The following PINX1 variants were observed in gnomAD, a reference collection of about 807,000 sequenced individuals.
PINX1 encodes the protein PIN2/TERF1-interacting telomerase inhibitor 1.
PINX1 carries 34 observed loss-of-function variants against 25.4 expected under a neutral mutation model. The observed-to-expected ratio is 1.34, with a 90% CI of 1.02 to 1.78. PINX1 has a LOEUF of 1.78. PINX1 is among the 40% of genes most tolerant of loss of function. PINX1 has a pLI of 0.00. For missense variants in PINX1, 592 were observed against 404.9 expected (o/e 1.46, Z -3.97); for synonymous variants, 197 against 147.7 (o/e 1.33, Z -2.42).
intron 6 of PINX1, among the ~76,000 whole-genome samples, chr8:10,769,606 C>A (rs1257005196): frequency 6.6e-6 from 1 of 152,198 alleles, no homozygotes; most frequent in Non-Finnish European, 1.5e-5. Flanking sequence ...CTATCACCAC[C>A]GTGCCAGGCA....
chr8:10,784,277 C>G (rs1028839652), intron 6 of PINX1, among the ~76,000 whole-genome samples: 1 of 152,178 alleles, frequency 6.6e-6, no homozygotes, highest in Non-Finnish European at 1.5e-5. Flanking sequence ...CTTTAGAAAG[C>G]ACATCACACA....
intron 6 of PINX1, among the ~76,000 whole-genome samples, chr8:10,805,918 GGGC>G (rs1802436290): frequency 9.0e-5 from 6 of 66,674 alleles, no homozygotes; most frequent in African/African-American, 5.5e-4. Context: ...GCACAGGAAG[GGGC>G]CACACTAGTG....
At chr8:10,831,123 T>C (rs191882304) in intron 4 of PINX1, among the ~76,000 whole-genome samples, 249 of 152,324 alleles carry the variant, frequency 1.6e-3, no homozygotes, top group Non-Finnish European at 2.9e-3. Flanking sequence ...TACGAAAGAA[T>C]GAGAGTTTTT....
At chr8:10,826,006 C>A (rs1034668421) in intron 5 of PINX1, 146 bp downstream of exon 5, 42 of 541,054 alleles carry the variant, frequency 7.8e-5, no homozygotes, top group Non-Finnish European at 1.2e-4. Context: ...ACAGTCAATG[C>A]GAAGACTCCA....
intron 6 of PINX1, among the ~76,000 whole-genome samples, chr8:10,774,254 A>C (rs1469085029): frequency 1.3e-5 from 2 of 152,150 alleles, no homozygotes; most frequent in African/African-American, 2.4e-5. Context: ...ATTAAATGTA[A>C]AATCTTCTAA....
chr8:10,779,792 G>T (rs867328983), intron 6 of PINX1, among the ~76,000 whole-genome samples: 23 of 152,140 alleles, frequency 1.5e-4, no homozygotes, highest in Admixed American at 3.9e-4. Context: ...AGAAATTATA[G>T]TTTTATACAT....
chr8:10,813,685 G>A (rs566212511), intron 6 of PINX1, among the ~76,000 whole-genome samples: 10 of 152,244 alleles, frequency 6.6e-5, no homozygotes, highest in Non-Finnish European at 1.0e-4. Context: ...CTCTCATGAG[G>A]GTTCTAATTC....
At chr8:10,779,907 G>C (rs554256920) in intron 6 of PINX1, among the ~76,000 whole-genome samples, 2 of 152,312 alleles carry the variant, frequency 1.3e-5, no homozygotes, top group African/African-American at 4.8e-5. Context: ...GAATCAGGGA[G>C]AAAGGGACGA....
intron 3 of PINX1, 100 bp downstream of exon 3, chr8:10,832,792 T>G: frequency 1.5e-6 from 1 of 662,730 alleles, no homozygotes; most frequent in South Asian, 1.9e-5. Flanking sequence ...AAAGAAGTGC[T>G]GCACCAATGG....
At chr8:10,835,569 C>T (rs1013447486) in intron 1 of PINX1, among the ~76,000 whole-genome samples, 2 of 152,196 alleles carry the variant, frequency 1.3e-5, no homozygotes, top group Non-Finnish European at 2.9e-5. Context: ...TCTAGAATAA[C>T]TTATCTGTTT....
rs1801062986 is a variant in PINX1 at position 10,766,765 on chromosome 8, A to C, written c.472-849T>G. Among the ~76,000 whole-genome samples the C allele has an allele frequency of 2.6e-5, 4 of 152,244 alleles. No individual in the cohort carries two copies. In the South Asian group the frequency reaches 8.3e-4, roughly 32 times the overall value. On this transcript the variant is annotated intron_variant, in intron 6 of 6. Coordinates refer to ENST00000314787, the MANE Select transcript of PINX1 (RefSeq NM_017884.6). Reference sequence around the variant, plus strand: ...TTGTCAGGTAATATCTGCTATAAGAAAAAATGTGAAAAATGTATATATCTA... The same window carrying C: ...TTGTCAGGTAATATCTGCTATAAGACAAAATGTGAAAAATGTATATATCTA...
intron 6 of PINX1, among the ~76,000 whole-genome samples, chr8:10,779,297 T>G (rs974601613): frequency 6.6e-6 from 1 of 152,198 alleles, no homozygotes; most frequent in Non-Finnish European, 1.5e-5. Context: ...AGAATAAATG[T>G]ATAAAATAAC....
At chr8:10,803,372 A>G (rs1160275754) in intron 6 of PINX1, among the ~76,000 whole-genome samples, 2 of 152,186 alleles carry the variant, frequency 1.3e-5, no homozygotes, top group African/African-American at 4.8e-5. Context: ...CAGTTTCCTC[A>G]CCAGCTCATG....
intron 6 of PINX1, among the ~76,000 whole-genome samples, chr8:10,771,928 C>T (rs1304309957): frequency 6.6e-6 from 1 of 152,192 alleles, no homozygotes; most frequent in East Asian, 1.9e-4. Flanking sequence ...TGGCCCTTAG[C>T]AATAAATAGA....
intron 4 of PINX1, among the ~76,000 whole-genome samples, chr8:10,826,650 A>G (rs1307885100): frequency 2.6e-5 from 4 of 152,190 alleles, no homozygotes; most frequent in Non-Finnish European, 5.9e-5. Flanking sequence ...GGCCATCCTT[A>G]CAGTGGAATA....
intron 6 of PINX1, among the ~76,000 whole-genome samples, chr8:10,803,356 T>C (rs561609295): frequency 3.2e-4 from 49 of 152,352 alleles, no homozygotes; most frequent in African/African-American, 1.2e-3. Flanking sequence ...TAATGCGATC[T>C]ATCATCAGTT....
chr8:10,806,216 G>A (rs1248842919), intron 6 of PINX1, among the ~76,000 whole-genome samples: 1 of 152,192 alleles, frequency 6.6e-6, no homozygotes, highest in African/African-American at 2.4e-5. Flanking sequence ...CTAGTGCTGA[G>A]GGAGGAGGCA....
rs1254985812 is a variant in PINX1 at position 10,834,792 on chromosome 8, A to G, written c.20-17T>C. On this transcript the variant is annotated splice_polypyrimidine_tract_variant and intron_variant, in intron 1 of 6. Coordinates refer to ENST00000314787, the MANE Select transcript of PINX1 (RefSeq NM_017884.6). Reference sequence around the variant, plus strand: ...TCCGCCGACCTGTAAATGAAAAAGCATTATCATCAGCAATGGAGATGATAC... The same window carrying G: ...TCCGCCGACCTGTAAATGAAAAAGCGTTATCATCAGCAATGGAGATGATAC... The G allele has an allele frequency of 1.9e-6, 3 of 1,582,618 alleles. No homozygotes were observed. The highest frequency in any genetic ancestry group is 2.6e-6 in the Non-Finnish European group (3 of 1,153,870).
chr8:10,829,128 A>C (rs1189958842), intron 4 of PINX1, among the ~76,000 whole-genome samples: 1 of 152,086 alleles, frequency 6.6e-6, no homozygotes, highest in African/African-American at 2.4e-5. Context: ...TCTATTAAAA[A>C]TACAAAAATT....
Sources: gnomAD v4.1 joint callset for allele counts (sites outside exome capture counted in the v4.1 genomes callset) on GRCh38, gnomAD v4.1.1 for gene constraint, MANE v1.5 for transcripts, NCBI Gene and HGNC (gene_info 2026-07-23, HGNC 2026-07-21) for gene names.